Variants in PLBD1 observed in about 807,000 individuals in gnomAD.
PLBD1 encodes lysosomal leucine aminopeptidase.
Under a neutral mutation model 63.0 loss-of-function variants are expected in PLBD1, and 60 were observed. That is an observed-to-expected ratio of 0.95 (90% confidence interval 0.77 to 1.18). The LOEUF (loss-of-function observed/expected upper bound fraction) is 1.18, where lower values mean the gene tolerates loss of function less well. Ranked by LOEUF, PLBD1 falls within the 50% of genes most tolerant of loss-of-function variation. The pLI, the probability that PLBD1 is intolerant of heterozygous loss-of-function variation, is 0.00. For missense variants in PLBD1, 598 were observed against 677.9 expected, an observed-to-expected ratio of 0.88 and a Z score of 1.31; for synonymous variants, 262 against 248.0, an observed-to-expected ratio of 1.06 and a Z score of -0.53.
At chr12:14,515,051 A>T (rs1945327788) in intron 6 of PLBD1, among the ~76,000 whole-genome samples, 1 of 152,194 alleles carries the variant, frequency 6.6e-6, no homozygotes, top group African/African-American at 2.4e-5. Context: ...AATAAATCCT[A>T]TTTCAAGACT....
chr12:14,523,960 G>A (rs1039203927), intron 6 of PLBD1, among the ~76,000 whole-genome samples: 2 of 152,098 alleles, frequency 1.3e-5, no homozygotes, highest in Non-Finnish European at 2.9e-5. Context: ...TACATATAAT[G>A]GAATACTATT....
At position 14,567,865 on chromosome 12, in the gene PLBD1, C is replaced by T. The variant is rs1172798735; in HGVS notation, c.-169G>A. 4.2e-6 allele frequency: 4 copies of T among 951,406 alleles called. No homozygotes were observed. The highest frequency in any genetic ancestry group is 4.3e-6 in the Non-Finnish European group (3 of 705,768). The allele number at this position is 951,406 out of a possible 1,614,324, so 58.9% of individuals were successfully genotyped here. ...CCGGCCTGCTCCGGGCTCTGAGGGG[C>T]GAGGACGCTTCACGTGGTGGCCTGG... On this transcript the variant is annotated 5_prime_UTR_variant, in exon 1 of 11. Coordinates refer to ENST00000240617, the MANE Select transcript of PLBD1 (RefSeq NM_024829.6).
chr12:14,521,469 A>T (rs991849024), intron 6 of PLBD1, among the ~76,000 whole-genome samples: 1 of 152,084 alleles, frequency 6.6e-6, no homozygotes, highest in Non-Finnish European at 1.5e-5. Context: ...AGCCATGCAT[A>T]TGATTTGACA....
In PLBD1 at chr12:14,507,114, A is replaced by G. The variant is rs1167405280; in HGVS notation, c.1191T>C (p.Tyr397=). The change falls in exon 9 of 11, where the codon TAT becomes TAC. Residue 397 remains tyrosine, a synonymous_variant. Transcript: ENST00000240617. ...SEQTDVLRKG[Y]WPSYNVPFHE... is the part of the protein sequence containing the mutation. ...GGAAAGGAACATTGTAGGAGGGCCA[A>G]TATCCTGATTTGGAATGGAAGGGAA... 3 of 1,600,128 alleles carry G rather than the reference A, an allele frequency of 1.9e-6. No homozygotes were observed. Among genetic ancestry groups the G allele is most frequent in the Non-Finnish European group, 8.6e-7 (1 of 1,169,420 alleles).
chr12:14,521,549 A>G (rs1180025495), intron 6 of PLBD1, among the ~76,000 whole-genome samples: 1 of 152,156 alleles, frequency 6.6e-6, no homozygotes, highest in Non-Finnish European at 1.5e-5. Flanking sequence ...AACATTGACT[A>G]CAGCTGAAAA....
At chr12:14,507,398 C>CA (rs961827534) in intron 8 of PLBD1, among the ~76,000 whole-genome samples, 2 of 151,996 alleles carry the variant, frequency 1.3e-5, no homozygotes, top group Non-Finnish European at 2.9e-5. Context: ...ATCTCTAAGC[C>CA]AAAAAACAAC....
intron 6 of PLBD1, among the ~76,000 whole-genome samples, chr12:14,535,194 A>ACATT (rs925850359): frequency 1.1e-4 from 17 of 152,234 alleles, no homozygotes; most frequent in Non-Finnish European, 1.9e-4. Flanking sequence ...ATAAACTTAC[A>ACATT]CATTCATTCA....
chr12:14,505,005 C>T (rs572417212), intron 10 of PLBD1, among the ~76,000 whole-genome samples: 3 of 151,556 alleles, frequency 2.0e-5, no homozygotes, highest in African/African-American at 7.3e-5. Flanking sequence ...GTGATAGATA[C>T]AAACTTCACA....
At chr12:14,513,584 A>T (rs1565571445) in intron 6 of PLBD1, among the ~76,000 whole-genome samples, 1 of 152,056 alleles carries the variant, frequency 6.6e-6, no homozygotes, top group African/African-American at 2.4e-5. Context: ...GAGTCAGAAG[A>T]CCTGCATTTT....
At chr12:14,560,896 G>A (rs1005653302) in intron 1 of PLBD1, among the ~76,000 whole-genome samples, 6 of 151,936 alleles carry the variant, frequency 3.9e-5, no homozygotes, top group Admixed American at 1.3e-4. Context: ...GACTAGCCTC[G>A]GAAATCTTCA....
intron 5 of PLBD1, chr12:14,536,038 G>A (rs942698656): frequency 6.8e-6 from 3 of 439,566 alleles, no homozygotes; most frequent in South Asian, 3.1e-5. Flanking sequence ...GCTTACGCTC[G>A]AAATCCTAGC....
At chr12:14,554,384 A>T (rs1466606796) in intron 1 of PLBD1, 2 of 152,074 alleles carry the variant, frequency 1.3e-5, no homozygotes, top group African/African-American at 2.4e-5. Context: ...AACATGCTCC[A>T]TTGTCTCATA....
intron 8 of PLBD1, among the ~76,000 whole-genome samples, chr12:14,510,530 C>T (rs1228707630): frequency 6.6e-6 from 1 of 152,118 alleles, no homozygotes; most frequent in Non-Finnish European, 1.5e-5. Context: ...ACAAGAGAAA[C>T]AAAATAATAA....
chr12:14,548,649 C>T (rs1410360182), intron 2 of PLBD1, among the ~76,000 whole-genome samples: 1 of 152,056 alleles, frequency 6.6e-6, no homozygotes, highest in East Asian at 1.9e-4. Flanking sequence ...TGTGCCGTGA[C>T]CTTAGTAGAA....
chr12:14,567,442 G>A (rs1324116796), intron 1 of PLBD1, 140 bp downstream of exon 1: 1 of 1,223,734 alleles, frequency 8.2e-7, no homozygotes, highest in African/African-American at 1.6e-5. Context: ...CGAGACCGCC[G>A]GCCGGAGGCG....
intron 6 of PLBD1, among the ~76,000 whole-genome samples, chr12:14,524,409 G>C (rs1945401256): frequency 6.6e-6 from 1 of 151,914 alleles, no homozygotes; most frequent in Non-Finnish European, 1.5e-5. Context: ...ACATCACACT[G>C]TCCCCTATAA....
chr12:14,540,129 T>TATATATATATATATAC (rs1418609619), intron 4 of PLBD1, among the ~76,000 whole-genome samples: 10 of 137,118 alleles, frequency 7.3e-5, no homozygotes, highest in Non-Finnish European at 1.6e-4. Flanking sequence ...TATATATATA[T>TATATATATATATATAC]ATACTGGCAA....
intron 6 of PLBD1, 127 bp from the exon 7 acceptor site, chr12:14,511,838 T>C (rs908775265): frequency 1.1e-6 from 1 of 901,660 alleles, no homozygotes; most frequent in African/African-American, 1.7e-5. Context: ...ATCCTTGATC[T>C]GCAGTAGCCT....
In PLBD1 at chr12:14,540,880, T is replaced by G. The variant is rs778242578; in HGVS notation, c.442A>C (p.Lys148Gln). The change falls in exon 4 of 11, where the codon AAA (lysine) becomes CAA (glutamine). Residue 148 changes from lysine (K) to glutamine (Q), a missense_variant. Coordinates refer to ENST00000240617, the MANE Select transcript of PLBD1 (RefSeq NM_024829.6). The stretch of plus-strand genomic sequence containing the variant: ...TCAGTCTTGTATTCTTTGATATTTT[T>G]CCGGGTCCACTTATCTTGCTTCCTG... Reference protein sequence around the residue: ...FMEKQDKWTRKNIKEYKTDSF... With the variant: ...FMEKQDKWTRQNIKEYKTDSF... 4.4e-5 allele frequency: 71 copies of G among 1,602,156 alleles called. No individual in the cohort carries two copies. In the South Asian group the frequency reaches 7.8e-4, roughly 18 times the overall value.
Sources: allele counts gnomAD v4.1 joint callset (sites outside exome capture counted in the v4.1 genomes callset), GRCh38; gene constraint gnomAD v4.1.1; transcripts MANE v1.5; gene names NCBI Gene and HGNC (gene_info 2026-07-23, HGNC 2026-07-21).